PIGK: variants seen among roughly 807,000 people sequenced by gnomAD.
The protein encoded by PIGK is GPI-anchor transamidase.
PIGK carries 42 observed loss-of-function variants against 50.6 expected under a neutral mutation model. The ratio of observed to expected loss-of-function variants is 0.83; its 90% CI spans 0.65 to 1.07. The LOEUF (loss-of-function observed/expected upper bound fraction) is 1.07. Among genes scored for constraint, PIGK ranks in the 50% least tolerant of loss-of-function variants. The pLI is 0.00. For missense variants in PIGK, 448 were observed against 488.7 expected, an observed-to-expected ratio of 0.92 and a Z score of 0.78; for synonymous variants, 151 against 156.0, an observed-to-expected ratio of 0.97 and a Z score of 0.24.
At chr1:77,182,542 AC>A (rs1448093936) in intron 3 of PIGK, among the ~76,000 whole-genome samples, 2 of 152,128 alleles carry the variant, frequency 1.3e-5, no homozygotes, top group Non-Finnish European at 2.9e-5. Context: ...ACACACACAC[AC>A]ACACACATAT....
intron 9 of PIGK, among the ~76,000 whole-genome samples, chr1:77,146,588 G>T (rs1654773829): frequency 6.6e-6 from 1 of 152,098 alleles, no homozygotes; most frequent in Non-Finnish European, 1.5e-5. Context: ...CTGAGCTCAG[G>T]AGTTCGAGGC....
intron 10 of PIGK, among the ~76,000 whole-genome samples, chr1:77,105,201 A>C (rs1653638825): frequency 6.6e-6 from 1 of 152,078 alleles, no homozygotes; most frequent in African/African-American, 2.4e-5. Flanking sequence ...ATCTCTTCTT[A>C]AGTTCAGCCG....
At chr1:77,092,584 G>T in intron 10 of PIGK, 94 bp from the exon 11 acceptor site, 2 of 755,404 alleles carry the variant, frequency 2.6e-6, no homozygotes, top group Non-Finnish European at 4.6e-6. Context: ...AATTTCACTG[G>T]TTGTGTTTGA....
At chr1:77,177,499 C>T (rs982782399) in intron 3 of PIGK, among the ~76,000 whole-genome samples, 5 of 152,226 alleles carry the variant, frequency 3.3e-5, no homozygotes, top group African/African-American at 1.2e-4. Flanking sequence ...CCCTTTACTT[C>T]GGTCCATCCC....
intron 9 of PIGK, among the ~76,000 whole-genome samples, chr1:77,148,549 T>C (rs1341533811): frequency 6.6e-6 from 1 of 152,050 alleles, no homozygotes; most frequent in Non-Finnish European, 1.5e-5. Context: ...CCAGAACATA[T>C]AACAAAACAA....
intron 3 of PIGK, among the ~76,000 whole-genome samples, chr1:77,188,201 G>A (rs1311399429): frequency 5.9e-5 from 9 of 152,138 alleles, no homozygotes; most frequent in South Asian, 4.2e-4. Context: ...CTGGTGAGCC[G>A]GGCAGAACAG....
intron 2 of PIGK, among the ~76,000 whole-genome samples, chr1:77,208,259 T>C (rs934090763): frequency 1.3e-5 from 2 of 151,954 alleles, no homozygotes; most frequent in Non-Finnish European, 2.9e-5. Flanking sequence ...AAAAATAAAA[T>C]ATAATTTATT....
At chr1:77,145,945 G>A (rs1654757390) in intron 9 of PIGK, among the ~76,000 whole-genome samples, 1 of 152,114 alleles carries the variant, frequency 6.6e-6, no homozygotes, top group Admixed American at 6.5e-5. Flanking sequence ...AAATACAGAT[G>A]CTGCTCAACT....
At chr1:77,165,989 G>T (rs1655225350) in intron 5 of PIGK, among the ~76,000 whole-genome samples, 1 of 152,104 alleles carries the variant, frequency 6.6e-6, no homozygotes, top group Non-Finnish European at 1.5e-5. Context: ...AATCAAGCAG[G>T]CAAAGTGGAC....
intron 9 of PIGK, among the ~76,000 whole-genome samples, chr1:77,144,920 CAAAAT>C (rs1173867110): frequency 1.3e-5 from 2 of 151,578 alleles, no homozygotes; most frequent in South Asian, 2.1e-4. Context: ...AAATAAATGA[CAAAAT>C]AAAATGCTGA....
intron 3 of PIGK, among the ~76,000 whole-genome samples, chr1:77,193,003 A>G (rs1379741949): frequency 6.6e-6 from 1 of 152,180 alleles, no homozygotes; most frequent in Non-Finnish European, 1.5e-5. Flanking sequence ...ATATAAGTTA[A>G]CAGACAGATG....
chr1:77,173,022 G>T (rs568546240), intron 3 of PIGK, among the ~76,000 whole-genome samples: 1 of 152,044 alleles, frequency 6.6e-6, no homozygotes, highest in African/African-American at 2.4e-5. Context: ...GAAATCATTG[G>T]CTAAGTTAAT....
intron 9 of PIGK, among the ~76,000 whole-genome samples, chr1:77,145,054 T>C (rs1221908829): frequency 6.6e-6 from 1 of 151,976 alleles, no homozygotes; most frequent in African/African-American, 2.4e-5. Flanking sequence ...GAATTTTTGG[T>C]TCATAAAGTT....
intron 10 of PIGK, among the ~76,000 whole-genome samples, chr1:77,109,864 A>G (rs866609543): frequency 5.4e-4 from 83 of 152,316 alleles, no homozygotes; most frequent in African/African-American, 1.8e-3. Flanking sequence ...AGAAAACCCC[A>G]TTGTCTCAGC....
intron 9 of PIGK, among the ~76,000 whole-genome samples, chr1:77,147,278 C>T (rs940583039): frequency 2.0e-5 from 3 of 151,854 alleles, no homozygotes; most frequent in Admixed American, 1.3e-4. Flanking sequence ...CACCGGGTCC[C>T]TCCCACAACA....
chr1:77,115,789 C>T (rs1468290367), intron 10 of PIGK, among the ~76,000 whole-genome samples: 1 of 152,136 alleles, frequency 6.6e-6, no homozygotes, highest in Non-Finnish European at 1.5e-5. Flanking sequence ...TAGCTCTAAT[C>T]TTTTGTGCAG....
chr1:77,104,496 A>T (rs760557589), intron 10 of PIGK, among the ~76,000 whole-genome samples: 1 of 152,240 alleles, frequency 6.6e-6, no homozygotes, highest in Non-Finnish European at 1.5e-5. Flanking sequence ...CAGAGAACAA[A>T]TAAAATAGCA....
At chr1:77,111,037 C>T (rs368832090) in intron 10 of PIGK, among the ~76,000 whole-genome samples, 17 of 152,188 alleles carry the variant, frequency 1.1e-4, no homozygotes, top group East Asian at 9.7e-4. Flanking sequence ...CAGAGAAATG[C>T]AAATCAAAAC....
At chr1:77,218,379 C>T (rs1281566920) in intron 1 of PIGK, among the ~76,000 whole-genome samples, 1 of 152,106 alleles carries the variant, frequency 6.6e-6, no homozygotes, top group Non-Finnish European at 1.5e-5. Context: ...TGATCACAGC[C>T]TGAATTAAGT....
Sources: gnomAD v4.1 joint callset for allele counts (sites outside exome capture counted in the v4.1 genomes callset) on GRCh38, gnomAD v4.1.1 for gene constraint, MANE v1.5 for transcripts, NCBI Gene and HGNC (gene_info 2026-07-23, HGNC 2026-07-21) for gene names.